PUS10: variants seen among roughly 807,000 people sequenced by gnomAD.
PUS10 encodes the protein tRNA pseudouridine synthase Pus10.
PUS10 carries 59 observed loss-of-function variants against 75.0 expected under a neutral mutation model. That is an observed-to-expected ratio of 0.79 (90% CI 0.64 to 0.98). The LOEUF (loss-of-function observed/expected upper bound fraction) is 0.98, where lower values mean the gene tolerates loss of function less well. PUS10 is among the 50% of genes least tolerant of loss of function. PUS10 has a pLI of 0.00. For missense variants in PUS10, 650 were observed against 614.4 expected, an observed-to-expected ratio of 1.06 and a Z score of -0.61; for synonymous variants, 219 against 211.6, an observed-to-expected ratio of 1.03 and a Z score of -0.30.
intron 3 of PUS10, among the ~76,000 whole-genome samples, chr2:61,007,302 TAA>T (rs1273745063): frequency 6.6e-6 from 1 of 151,844 alleles, no homozygotes; most frequent in East Asian, 1.9e-4. Flanking sequence ...CCTTTCAATA[TAA>T]AAATTCTTGG....
chr2:60,971,998 G>C (rs1260822126), intron 4 of PUS10, among the ~76,000 whole-genome samples: 1 of 148,972 alleles, frequency 6.7e-6, no homozygotes, highest in Non-Finnish European at 1.5e-5. Flanking sequence ...AGTCTTCTGA[G>C]TAGCTGGTAT....
chr2:60,968,723 G>A (rs1676491321), intron 5 of PUS10, among the ~76,000 whole-genome samples: 3 of 152,192 alleles, frequency 2.0e-5, no homozygotes, highest in African/African-American at 2.4e-5. Context: ...TACCCATTCT[G>A]TATCCAGCTG....
chr2:60,999,088 A>G (rs1193941850), intron 4 of PUS10, among the ~76,000 whole-genome samples: 1 of 152,174 alleles, frequency 6.6e-6, no homozygotes, highest in Non-Finnish European at 1.5e-5. Context: ...TACCCATGAA[A>G]AGAGACCAAT....
At chr2:60,959,709 G>T (rs1675898597) in intron 11 of PUS10, among the ~76,000 whole-genome samples, 1 of 152,142 alleles carries the variant, frequency 6.6e-6, no homozygotes, top group South Asian at 2.1e-4. Context: ...CTTGAGAGAG[G>T]ACAGGCAGAT....
chr2:60,962,289 C>T (rs944189846), intron 9 of PUS10, among the ~76,000 whole-genome samples: 3 of 152,124 alleles, frequency 2.0e-5, no homozygotes, highest in East Asian at 1.9e-4. Context: ...AAACTTGATT[C>T]GGCCGGGCAC....
At chr2:60,995,289 T>G (rs975384548) in intron 4 of PUS10, among the ~76,000 whole-genome samples, 1 of 152,222 alleles carries the variant, frequency 6.6e-6, no homozygotes, top group African/African-American at 2.4e-5. Flanking sequence ...CAATAACTGT[T>G]GGTGGCTTGT....
At chr2:60,978,336 C>T (rs754934256) in intron 4 of PUS10, among the ~76,000 whole-genome samples, 2 of 149,418 alleles carry the variant, frequency 1.3e-5, no homozygotes, top group Admixed American at 6.7e-5. Flanking sequence ...GCAGGAGAAT[C>T]GCTTGAACCT....
chr2:60,955,228 A>G (rs967270778), intron 11 of PUS10, among the ~76,000 whole-genome samples, 154 bp from the exon 12 acceptor site: 2 of 152,210 alleles, frequency 1.3e-5, no homozygotes, highest in East Asian at 3.8e-4. Flanking sequence ...GTCAATCTCT[A>G]CTAAAAATAG....
At chr2:61,017,232 C>T (rs1434565718) in intron 1 of PUS10, 3 of 152,558 alleles carry the variant, frequency 2.0e-5, no homozygotes, top group Non-Finnish European at 2.9e-5. Context: ...CTAAAGACAA[C>T]GCACCTATTG....
intron 15 of PUS10, among the ~76,000 whole-genome samples, chr2:60,949,629 T>C (rs577155530): frequency 1.1e-4 from 17 of 152,344 alleles, no homozygotes; most frequent in Admixed American, 2.6e-4. Flanking sequence ...GAAATGACTT[T>C]TTCTCAGAAT....
chr2:60,992,204 C>T (rs1052644948), intron 4 of PUS10, among the ~76,000 whole-genome samples: 16 of 151,976 alleles, frequency 1.1e-4, no homozygotes, highest in South Asian at 4.1e-4. Context: ...TTAGTAGAGA[C>T]GGGTTTTCGC....
intron 16 of PUS10, among the ~76,000 whole-genome samples, chr2:60,947,833 A>AG (rs1313590674): frequency 6.7e-6 from 1 of 150,038 alleles, no homozygotes; most frequent in African/African-American, 2.4e-5. Flanking sequence ...TGCCTCAAAA[A>AG]AAAAAAAAAA....
chr2:60,964,741 G>A (rs934803324), intron 8 of PUS10, among the ~76,000 whole-genome samples: 5 of 152,140 alleles, frequency 3.3e-5, no homozygotes, highest in African/African-American at 7.2e-5. Flanking sequence ...TAATTTGAGG[G>A]ATTAAAATCT....
Position 60,962,817 on chromosome 2 carries a change from T to G in PUS10, c.788+9A>C. ...CACGATGCTTCTTTGTTTCTAAACT[T>G]CTACTTACTTAAGGAAATCCTCTTC... On this transcript the variant is annotated intron_variant, in intron 9 of 17. Transcript: ENST00000316752. 6.3e-7 allele frequency: 1 copy of G among 1,581,816 alleles called. No individual in the cohort carries two copies. The highest frequency in any genetic ancestry group is 8.6e-7 in the Non-Finnish European group (1 of 1,166,870).
intron 1 of PUS10, among the ~76,000 whole-genome samples, chr2:61,014,901 G>C (rs983874482): frequency 1.3e-5 from 2 of 152,144 alleles, no homozygotes; most frequent in African/African-American, 4.8e-5. Context: ...CACTTACCAA[G>C]ATTCTTGCAC....
At position 60,953,051 on chromosome 2, in the gene PUS10, A is replaced by C. The variant is rs1007114631; in HGVS notation, c.1254T>G (p.Ile418Met). The change falls in exon 15 of 18, where the codon ATT (isoleucine) becomes ATG (methionine). Residue 418 changes from isoleucine to methionine, a missense_variant. Transcript: ENST00000316752. ...EEKTKTYSAL[I>M]WTNKAIQKKD... ...TCTTCTGTATCGCTTTATTTGTCCAAATTAAGGCACTGTAGGTCTTTGTCT... is the reference window on the plus strand; with the variant it reads ...TCTTCTGTATCGCTTTATTTGTCCACATTAAGGCACTGTAGGTCTTTGTCT... The C allele has an allele frequency of 3.1e-6, 5 of 1,609,584 alleles. No homozygotes were observed. Among genetic ancestry groups the C allele is most frequent in the Non-Finnish European group, 3.4e-6 (4 of 1,176,008 alleles).
chr2:60,978,032 A>G (rs192580036), intron 4 of PUS10, among the ~76,000 whole-genome samples: 1 of 152,292 alleles, frequency 6.6e-6, no homozygotes, highest in Admixed American at 6.5e-5. Flanking sequence ...GGGGGCTGAG[A>G]CAGAGACACA....
chr2:60,952,332 C>T (rs1168405560), intron 15 of PUS10, among the ~76,000 whole-genome samples: 10 of 94,488 alleles, frequency 1.1e-4, no homozygotes, highest in Non-Finnish European at 2.4e-4. Context: ...AAGACTCTGT[C>T]TCAAAAAAAA....
intron 17 of PUS10, among the ~76,000 whole-genome samples, chr2:60,943,036 G>GAAAA (rs1163561504): frequency 1.1e-4 from 9 of 78,402 alleles, no homozygotes; most frequent in African/African-American, 3.5e-4. Flanking sequence ...ATCTATCTCA[G>GAAAA]AAAAAAAAAA....
Sources: gnomAD v4.1 joint callset for allele counts (sites outside exome capture counted in the v4.1 genomes callset) on GRCh38, gnomAD v4.1.1 for gene constraint, MANE v1.5 for transcripts, NCBI Gene and HGNC (gene_info 2026-07-23, HGNC 2026-07-21) for gene names.